BAALC: variants seen among roughly 807,000 people sequenced by gnomAD.
BAALC encodes brain and acute leukemia cytoplasmic protein.
BAALC carries 9 observed loss-of-function variants against 15.5 expected under a neutral mutation model. The ratio of observed to expected loss-of-function variants is 0.58; its 90% confidence interval spans 0.35 to 1.02. The LOEUF (loss-of-function observed/expected upper bound fraction) is 1.02, where lower values mean the gene tolerates loss of function less well. BAALC is among the 50% of genes least tolerant of loss of function. BAALC has a pLI of 0.02. For synonymous variants in BAALC, 80 were observed against 74.6 expected, an observed-to-expected ratio of 1.07 and a Z score of -0.37; for missense variants, 201 against 192.4, an observed-to-expected ratio of 1.04 and a Z score of -0.27.
At chr8:103,215,058 C>T (rs1184271598) in intron 2 of BAALC, 2 of 152,252 alleles carry the variant, frequency 1.3e-5, no homozygotes, top group African/African-American at 4.8e-5. Context: ...CACTTGTGCC[C>T]TTACCCTCTG....
chr8:103,223,147 C>T (rs1812718736), intron 2 of BAALC, among the ~76,000 whole-genome samples: 2 of 152,080 alleles, frequency 1.3e-5, no homozygotes, highest in South Asian at 4.1e-4. Context: ...CCCGTCTCTA[C>T]TAAAAATACA....
At chr8:103,152,057 C>A (rs147524180) in intron 1 of BAALC, among the ~76,000 whole-genome samples, 10 of 152,186 alleles carry the variant, frequency 6.6e-5, no homozygotes, top group African/African-American at 1.9e-4. Flanking sequence ...TCCATTCATA[C>A]CCTTGACAAT....
intron 2 of BAALC, 67 bp downstream of exon 2, chr8:103,213,152 G>A (rs548439351): frequency 1.4e-5 from 21 of 1,527,072 alleles, no homozygotes; most frequent in Non-Finnish European, 1.8e-5. Context: ...TCAGGGCAGA[G>A]CCACCCAGCC....
intron 2 of BAALC, among the ~76,000 whole-genome samples, chr8:103,227,121 G>C (rs1204886780): frequency 6.6e-6 from 1 of 152,182 alleles, no homozygotes; most frequent in Non-Finnish European, 1.5e-5. Context: ...AGAAACCTCT[G>C]ATAGGAAGCA....
chr8:103,215,383 C>T (rs1236845595), intron 2 of BAALC, among the ~76,000 whole-genome samples: 1 of 152,138 alleles, frequency 6.6e-6, no homozygotes, highest in African/African-American at 2.4e-5. Context: ...GAAGATAGAA[C>T]ATAGCTTCAA....
intron 1 of BAALC, among the ~76,000 whole-genome samples, chr8:103,143,413 G>A (rs1810824435): frequency 6.6e-6 from 1 of 152,214 alleles, no homozygotes; most frequent in South Asian, 2.1e-4. Context: ...CCTGTTTACA[G>A]AAGTTGTTTT....
At chr8:103,193,521 A>G (rs552173110) in intron 1 of BAALC, among the ~76,000 whole-genome samples, 1 of 152,262 alleles carries the variant, frequency 6.6e-6, no homozygotes, top group East Asian at 1.9e-4. Context: ...GGAACTGTGA[A>G]ATTAGCCCTG....
At chr8:103,150,971 G>C (rs776949281) in intron 1 of BAALC, among the ~76,000 whole-genome samples, 26 of 151,910 alleles carry the variant, frequency 1.7e-4, no homozygotes, top group Non-Finnish European at 2.4e-4. Context: ...CACCCTCCCT[G>C]CTACTTTGTT....
intron 1 of BAALC, among the ~76,000 whole-genome samples, chr8:103,199,810 A>G (rs1586424787): frequency 1.5e-5 from 2 of 131,862 alleles, no homozygotes; most frequent in African/African-American, 5.7e-5. Context: ...CCTCCCTCCC[A>G]CCCTCCACCC....
chr8:103,203,646 T>A (rs1812269577), intron 1 of BAALC, among the ~76,000 whole-genome samples: 2 of 152,200 alleles, frequency 1.3e-5, no homozygotes, highest in Middle Eastern at 3.2e-3. Flanking sequence ...GAATTGCCTA[T>A]TTCTGAACAT....
At chr8:103,174,365 A>C (rs1307953350) in intron 1 of BAALC, among the ~76,000 whole-genome samples, 2 of 151,992 alleles carry the variant, frequency 1.3e-5, no homozygotes, top group Non-Finnish European at 2.9e-5. Context: ...CACATCGGGC[A>C]CAGCCAGGGG....
At chr8:103,194,690 A>G (rs1051121899) in intron 1 of BAALC, among the ~76,000 whole-genome samples, 2 of 152,242 alleles carry the variant, frequency 1.3e-5, no homozygotes, top group Non-Finnish European at 1.5e-5. Flanking sequence ...TAGAGGCTGG[A>G]AAGTCCAAGA....
At chr8:103,185,251 C>T (rs574423043) in intron 1 of BAALC, among the ~76,000 whole-genome samples, 10 of 152,126 alleles carry the variant, frequency 6.6e-5, no homozygotes, top group East Asian at 1.9e-4. Context: ...ATAACCATTC[C>T]GAACTCTCCC....
At chr8:103,174,620 G>T (rs570111997) in intron 1 of BAALC, among the ~76,000 whole-genome samples, 1 of 152,346 alleles carries the variant, frequency 6.6e-6, no homozygotes, top group East Asian at 1.9e-4. Context: ...GGATCTGGAA[G>T]ACACCTGAGG....
At position 103,193,209 on chromosome 8, in the gene BAALC, G is replaced by A. The variant is rs546078221; in HGVS notation, c.161-19710G>A. Among the ~76,000 whole-genome samples, 3 of 152,312 alleles carry A rather than the reference G, an allele frequency of 2.0e-5. 1 individual carries two copies. The highest frequency in any genetic ancestry group is 7.2e-5 in the African/African-American group (3 of 41,568). On this transcript the variant is annotated intron_variant, in intron 1 of 2. Transcript: ENST00000309982. ...CCCCTGTCACAGGCGTCACTTATCA[G>A]GCCTCTGATATGCATGCAGTAAACA...
rs190971261 is a variant in BAALC, at chr8:103,182,886, G to A, written c.161-30033G>A. ...TGAGCTAACTCCATAGCACAGGGAG[G>A]CCAGGCTTCCAGGACTTCTTCCCCA... On this transcript the variant is annotated intron_variant, in intron 1 of 2. Coordinates refer to ENST00000309982, the MANE Select transcript of BAALC (RefSeq NM_024812.3). 3.8e-3 allele frequency among the ~76,000 whole-genome samples: 574 copies of A among 152,258 alleles called. 2 individuals carry two copies. Among genetic ancestry groups the A allele is most frequent in the African/African-American group, 0.013 (541 of 41,538 alleles).
chr8:103,202,614 T>A (rs1055002668), intron 1 of BAALC, among the ~76,000 whole-genome samples: 5 of 152,174 alleles, frequency 3.3e-5, no homozygotes, highest in Admixed American at 6.5e-5. Flanking sequence ...GAGAAGAGCA[T>A]AAGAGAAGTG....
intron 1 of BAALC, among the ~76,000 whole-genome samples, chr8:103,190,486 T>C (rs558673582): frequency 6.6e-6 from 1 of 152,344 alleles, no homozygotes; most frequent in African/African-American, 2.4e-5. Flanking sequence ...TGAACTTTTC[T>C]CTCATGTTTT....
At chr8:103,178,524 T>C (rs1421534454) in intron 1 of BAALC, among the ~76,000 whole-genome samples, 1 of 152,192 alleles carries the variant, frequency 6.6e-6, no homozygotes, top group African/African-American at 2.4e-5. Flanking sequence ...GATCACTCTG[T>C]ACGATTTCTT....
Sources: gnomAD v4.1 joint callset for allele counts (sites outside exome capture counted in the v4.1 genomes callset) on GRCh38, gnomAD v4.1.1 for gene constraint, MANE v1.5 for transcripts, NCBI Gene and HGNC (gene_info 2026-07-23, HGNC 2026-07-21) for gene names.